EHMT1: variants seen among roughly 807,000 people sequenced by gnomAD.
EHMT1 encodes the protein euchromatic histone lysine methyltransferase 1.
EHMT1 carries 15 observed loss-of-function variants against 147.2 expected under a neutral mutation model. The observed-to-expected ratio is 0.10, with a 90% CI of 0.07 to 0.16. EHMT1 has a LOEUF of 0.16. Ranked by LOEUF, EHMT1 falls within the 10% of genes least tolerant of loss-of-function variation. The pLI, the probability that EHMT1 is intolerant of heterozygous loss-of-function variation, is 1.00. For synonymous variants in EHMT1, 795 were observed against 709.6 expected (o/e 1.12, Z -1.91); for missense variants, 1,587 against 1,772.4 (o/e 0.90, Z 1.88).
intron 15 of EHMT1, 144 bp from the exon 16 acceptor site, chr9:137,790,704 T>A: frequency 9.3e-7 from 1 of 1,077,578 alleles, no homozygotes; most frequent in East Asian, 2.4e-5. Context: ...TGTCTTTGAA[T>A]ACGTGTTTAG....
intron 2 of EHMT1, among the ~76,000 whole-genome samples, chr9:137,713,037 C>T (rs1391303860): frequency 1.3e-5 from 2 of 152,000 alleles, no homozygotes; most frequent in East Asian, 3.9e-4. Context: ...AAAGACCTTT[C>T]TTCCCTCATT....
intron 9 of EHMT1, among the ~76,000 whole-genome samples, chr9:137,760,458 T>G (rs1172428633): frequency 1.3e-5 from 2 of 152,194 alleles, no homozygotes; most frequent in Non-Finnish European, 2.9e-5. Flanking sequence ...TTGTAGTGAT[T>G]TGAATTCAAG....
At chr9:137,635,461 C>G (rs1017943203) in intron 1 of EHMT1, among the ~76,000 whole-genome samples, 2 of 151,500 alleles carry the variant, frequency 1.3e-5, no homozygotes, top group Admixed American at 1.3e-4. Context: ...GTGATTCGCC[C>G]TCCTTGGCCT....
chr9:137,735,541 C>G (rs967766067), intron 4 of EHMT1, among the ~76,000 whole-genome samples: 1 of 152,100 alleles, frequency 6.6e-6, no homozygotes, highest in Non-Finnish European at 1.5e-5. Flanking sequence ...GAAGTAAATC[C>G]TCATCAATAG....
intron 6 of EHMT1, chr9:137,746,834 C>G (rs1054675013): frequency 1.3e-5 from 2 of 152,228 alleles, no homozygotes; most frequent in Non-Finnish European, 2.9e-5. Context: ...TCTCGATTCT[C>G]TCTTTCGATT....
chr9:137,757,025 G>A (rs1220685310), intron 8 of EHMT1, among the ~76,000 whole-genome samples: 1 of 152,240 alleles, frequency 6.6e-6, no homozygotes, highest in Non-Finnish European at 1.5e-5. Flanking sequence ...AAGCTTGGCT[G>A]TGAAATGTGA....
intron 3 of EHMT1, among the ~76,000 whole-genome samples, chr9:137,726,526 C>T (rs1290996682): frequency 6.7e-6 from 1 of 149,064 alleles, no homozygotes; most frequent in Non-Finnish European, 1.5e-5. Context: ...GCCCGACAGC[C>T]GACCCTCGGG....
intron 1 of EHMT1, among the ~76,000 whole-genome samples, chr9:137,699,171 C>T (rs979640478): frequency 1.3e-5 from 2 of 152,150 alleles, no homozygotes; most frequent in African/African-American, 4.8e-5. Flanking sequence ...GAGCTCTTCA[C>T]AAAAGTTTAA....
chr9:137,740,103 C>T (rs181848362), intron 4 of EHMT1, among the ~76,000 whole-genome samples: 2 of 152,314 alleles, frequency 1.3e-5, no homozygotes, highest in East Asian at 1.9e-4. Flanking sequence ...TGGAGCCTGT[C>T]GCCTTTCTTC....
chr9:137,802,113 A>C (rs950267327), intron 18 of EHMT1, among the ~76,000 whole-genome samples: 11 of 152,350 alleles, frequency 7.2e-5, no homozygotes, highest in African/African-American at 2.4e-4. Flanking sequence ...GTGACTGATT[A>C]ACTCAAAAGG....
At chr9:137,803,744 G>T (rs1306997838) in intron 18 of EHMT1, among the ~76,000 whole-genome samples, 2 of 151,764 alleles carry the variant, frequency 1.3e-5, no homozygotes, top group Non-Finnish European at 2.9e-5. Flanking sequence ...CCAGGTACTC[G>T]GGAGGCTAAG....
chr9:137,695,584 A>G (rs958492668), intron 1 of EHMT1, among the ~76,000 whole-genome samples: 1 of 152,240 alleles, frequency 6.6e-6, no homozygotes, highest in Admixed American at 6.5e-5. Context: ...GAAGACTCGA[A>G]CATGGGGGTG....
chr9:137,810,325 G>A (rs551615134), intron 18 of EHMT1, among the ~76,000 whole-genome samples: 2 of 152,302 alleles, frequency 1.3e-5, no homozygotes, highest in African/African-American at 2.4e-5. Flanking sequence ...AACTGGAGGA[G>A]GCCTCAGTAC....
intron 25 of EHMT1, 75 bp downstream of exon 25, chr9:137,818,213 G>T (rs941990773): frequency 2.0e-6 from 3 of 1,498,192 alleles, no homozygotes; most frequent in Non-Finnish European, 2.8e-6. Flanking sequence ...TCCCAGTAGG[G>T]CTGGGATTCA....
At chr9:137,750,630 T>A (rs1292447824) in intron 6 of EHMT1, among the ~76,000 whole-genome samples, 28 of 152,206 alleles carry the variant, frequency 1.8e-4, no homozygotes, top group Admixed American at 1.7e-3. Context: ...TCAGAACAGC[T>A]CCCATCAAGA....
At chr9:137,755,164 CACCACAG>C (rs1366093352) in intron 8 of EHMT1, among the ~76,000 whole-genome samples, 1 of 152,172 alleles carries the variant, frequency 6.6e-6, no homozygotes, top group Non-Finnish European at 1.5e-5. Flanking sequence ...TTGAATCCAT[CACCACAG>C]TCAGATGATC....
At chr9:137,695,400 G>A (rs1286991588) in intron 1 of EHMT1, among the ~76,000 whole-genome samples, 1 of 152,188 alleles carries the variant, frequency 6.6e-6, no homozygotes, top group Non-Finnish European at 1.5e-5. Flanking sequence ...CCCTGCTGGC[G>A]AGGGGAAGAA....
intron 19 of EHMT1, 124 bp from the exon 20 acceptor site, chr9:137,812,882 A>G (rs1954607394): frequency 2.9e-6 from 4 of 1,360,592 alleles, no homozygotes; most frequent in African/African-American, 1.4e-5. Flanking sequence ...GACTTGTTCA[A>G]GTTATCTCAC....
chr9:137,811,602 T>A lies in EHMT1; in HGVS notation c.2854T>A (p.Tyr952Asn). The A allele has an allele frequency of 6.2e-7, 1 of 1,602,032 alleles. No homozygotes were observed. The highest frequency in any genetic ancestry group is 8.5e-7 in the Non-Finnish European group (1 of 1,179,946). The change falls in exon 19 of 27, where the codon TAC (tyrosine) becomes AAC (asparagine). Residue 952 changes from tyrosine to asparagine, a missense_variant. Around this residue, in one of 7 missense-constraint regions of EHMT1, gnomAD observed 201 missense variants for 350.1 expected, o/e 0.57. Transcript: ENST00000460843. ...GCACATTGCCGCCCGGGAGAACCGC[T>A]ACGACTGTGTCGTGTGAGTGCAGTG... ...PLHIAARENR[Y>N]DCVVLFLSRD...
Sources: gnomAD v4.1 joint callset for allele counts (sites outside exome capture counted in the v4.1 genomes callset) on GRCh38, gnomAD v4.1.1 for gene constraint, gnomAD v4.1.1 regional missense constraint, MANE v1.5 for transcripts, NCBI Gene and HGNC (gene_info 2026-07-23, HGNC 2026-07-21) for gene names.